Variants in PLCD1 observed in about 807,000 individuals in gnomAD.
PLCD1 encodes phospholipase C delta 1, also known as 1-phosphatidylinositol 4,5-bisphosphate phosphodiesterase delta-1.
A neutral mutation model predicts 87.4 loss-of-function variants in PLCD1; 71 were observed. The ratio of observed to expected loss-of-function variants is 0.81; its 90% CI spans 0.67 to 0.99. PLCD1 has a LOEUF of 0.99. PLCD1 is among the 50% of genes least tolerant of loss of function. PLCD1 has a pLI of 0.00. For synonymous variants in PLCD1, 348 were observed against 399.2 expected (o/e 0.87, Z 1.53); for missense variants, 867 against 1,001.5 (o/e 0.87, Z 1.81).
Position 38,007,837 on chromosome 3 carries a change from A to G in PLCD1, c.2207T>C (p.Met736Thr), listed in dbSNP as rs2125542229. The G allele has an allele frequency of 6.2e-7, 1 of 1,614,172 alleles. No individual in the cohort carries two copies. The highest frequency in any genetic ancestry group is 1.1e-5 in the South Asian group (1 of 91,082). The change falls in exon 15 of 15, where the codon ATG (methionine) becomes ACG (threonine). Residue 736 changes from methionine (M) to threonine (T), a missense_variant. Met to Thr is a moderately conservative substitution (Grantham distance 81). Coordinates refer to ENST00000334661, the MANE Select transcript of PLCD1 (RefSeq NM_006225.4). ...TGGATGCTGGTCCCCGTTCTTAGAC[A>G]TGAGGTGGACATGGCGGTATCCTGG... Reference protein sequence around the residue: ...LKQGYRHVHLMSKNGDQHPSA... With the variant: ...LKQGYRHVHLTSKNGDQHPSA...
At chr3:38,015,803 C>A (rs1700146226) in intron 3 of PLCD1, among the ~76,000 whole-genome samples, 1 of 152,176 alleles carries the variant, frequency 6.6e-6, no homozygotes, top group Admixed American at 6.5e-5. Context: ...CAGGAGGGTA[C>A]CATGGCCTCC....
chr3:38,017,751 C>G lies in PLCD1; in HGVS notation c.200-1032G>C, dbSNP rs753524581. ...GTCCACCTGTCCCTCCCTGTGCCCA[C>G]CCACTCTGAGTGCCCAGGGGCCTCC... On this transcript the variant is annotated intron_variant, in intron 2 of 14. Coordinates refer to ENST00000334661, the MANE Select transcript of PLCD1 (RefSeq NM_006225.4). This position sits in a 1 kb window ranked among gnomAD's most constrained non-coding sequence, Gnocchi z 4.7. 3.3e-5 allele frequency among the ~76,000 whole-genome samples: 5 copies of G among 152,224 alleles called. No individual in the cohort carries two copies. Among genetic ancestry groups the G allele is most frequent in the Non-Finnish European group, 7.4e-5 (5 of 68,024 alleles).
chr3:38,012,384 C>T (rs1247504092), intron 3 of PLCD1, among the ~76,000 whole-genome samples: 5 of 152,074 alleles, frequency 3.3e-5, no homozygotes, highest in Admixed American at 6.5e-5. Flanking sequence ...TAGCCTTCAG[C>T]ACACGAATCT....
chr3:38,024,421 C>T lies in PLCD1; in HGVS notation c.35-4069G>A. 9.3e-6 allele frequency: 15 copies of T among 1,612,278 alleles called. No individual in the cohort carries two copies. The highest frequency in any genetic ancestry group is 1.3e-5 in the Non-Finnish European group (15 of 1,179,760). On this transcript the variant is annotated intron_variant, in intron 1 of 14. Coordinates refer to ENST00000334661, the MANE Select transcript of PLCD1 (RefSeq NM_006225.4). ...CTGGAGCGGCTCCGGCTCCGGATCC[C>T]CAGGCACTGCATGGCCCTCCACAGT...
intron 2 of PLCD1, 27 bp from the exon 3 acceptor site, chr3:38,016,746 G>C: frequency 6.8e-7 from 1 of 1,476,852 alleles, no homozygotes; most frequent in Non-Finnish European, 9.3e-7. Flanking sequence ...GTGGAGGAGA[G>C]AGGGAGAGAA....
chr3:38,016,227 C>T (rs181948502), intron 3 of PLCD1, among the ~76,000 whole-genome samples: 1 of 152,298 alleles, frequency 6.6e-6, no homozygotes, highest in Non-Finnish European at 1.5e-5. Flanking sequence ...TCTCTCTCCC[C>T]ACCATGTGAG....
intron 1 of PLCD1, among the ~76,000 whole-genome samples, chr3:38,026,431 A>C (rs1018145597): frequency 1.3e-5 from 2 of 152,186 alleles, no homozygotes; most frequent in Admixed American, 6.5e-5. Context: ...AGGCAAGACA[A>C]TCCCTTGAAC....
chr3:38,009,262 C>A lies in PLCD1; in HGVS notation c.1606+10G>T. The A allele has an allele frequency of 6.2e-7, 1 of 1,614,100 alleles. No individual in the cohort carries two copies. Among genetic ancestry groups the A allele is most frequent in the Non-Finnish European group, 8.5e-7 (1 of 1,179,984 alleles). On this transcript the variant is annotated intron_variant, in intron 10 of 14. Transcript: ENST00000334661. ...ACAGAGCAGGGGAGTGGTGGGGAGCCAGGCCTCACCTGATTCTTGGAGCAG... is the reference window on the plus strand; with the variant it reads ...ACAGAGCAGGGGAGTGGTGGGGAGCAAGGCCTCACCTGATTCTTGGAGCAG...
chr3:38,010,695 G>A (rs927401025), intron 5 of PLCD1, 133 bp from the exon 6 acceptor site: 10 of 707,750 alleles, frequency 1.4e-5, no homozygotes, highest in African/African-American at 5.4e-5. Context: ...AGAGCTCTTG[G>A]AATTAGGATA....
chr3:38,010,085 G>C (rs1437957304), intron 7 of PLCD1, 32 bp from the exon 8 acceptor site: 8 of 1,613,872 alleles, frequency 5.0e-6, no homozygotes, highest in Non-Finnish European at 5.9e-6. Context: ...AGGAGTGGTG[G>C]GCCACCCCTA....
chr3:38,012,139 C>T (rs1700089797), intron 3 of PLCD1, among the ~76,000 whole-genome samples: 1 of 150,434 alleles, frequency 6.6e-6, no homozygotes, highest in East Asian at 1.9e-4. Flanking sequence ...GTGATCCTCC[C>T]ACTACAGGTG....
intron 1 of PLCD1, chr3:38,024,487 T>C (rs1232754871): frequency 3.8e-6 from 6 of 1,569,376 alleles, no homozygotes; most frequent in Non-Finnish European, 4.3e-6. Context: ...CAGTGCCGCC[T>C]CCAGTGTTTT....
In PLCD1 at chr3:38,017,282, T is replaced by G. The variant is rs1700172635; in HGVS notation, c.200-563A>C. Among the ~76,000 whole-genome samples the G allele has an allele frequency of 6.6e-6, 1 of 152,030 alleles. No homozygotes were observed. Among genetic ancestry groups the G allele is most frequent in the African/African-American group, 2.4e-5 (1 of 41,388 alleles). On this transcript the variant is annotated intron_variant, in intron 2 of 14. Coordinates refer to ENST00000334661, the MANE Select transcript of PLCD1 (RefSeq NM_006225.4). This position sits in a 1 kb window ranked among gnomAD's most constrained non-coding sequence, Gnocchi z 4.7. ...AACCACCCTCAGTTAGCCCCAGCCCTGGGGTCTATGGGCAGAGGGCCGAAG... is the reference window on the plus strand; with the variant it reads ...AACCACCCTCAGTTAGCCCCAGCCCGGGGGTCTATGGGCAGAGGGCCGAAG...
chr3:38,008,121 A>G lies in PLCD1; in HGVS notation c.2078T>C (p.Val693Ala). The change falls in exon 14 of 15, where the codon GTT becomes GCT. Residue 693 changes from valine to alanine, a missense_variant. Val to Ala is a moderately conservative substitution (Grantham distance 64). Coordinates refer to ENST00000334661, the MANE Select transcript of PLCD1 (RefSeq NM_006225.4). ...GCGGATGAGGGCAAGGTCAGGCACA[A>G]CTACCTCAAACGCAAACTCCGTGTC... ...WWDTEFAFEVVVPDLALIRFL... is the reference protein window; with the variant it reads ...WWDTEFAFEVAVPDLALIRFL... The G allele has an allele frequency of 6.2e-7, 1 of 1,614,100 alleles. No homozygotes were observed. Among genetic ancestry groups the G allele is most frequent in the Non-Finnish European group, 8.5e-7 (1 of 1,180,018 alleles).
intron 1 of PLCD1, 65 bp from the exon 2 acceptor site, chr3:38,020,417 A>G (rs1700217593): frequency 1.3e-6 from 2 of 1,487,930 alleles, no homozygotes; most frequent in East Asian, 2.3e-5. Flanking sequence ...TAGGCCTCAC[A>G]CTGGCCATGC....
In PLCD1 at chr3:38,008,446, G is replaced by C. The variant is rs1430421151; in HGVS notation, c.1902+12C>G. The C allele has an allele frequency of 4.3e-6, 7 of 1,614,002 alleles. No individual in the cohort carries two copies. The highest frequency in any genetic ancestry group is 5.1e-6 in the Non-Finnish European group (6 of 1,179,988). On this transcript the variant is annotated intron_variant, in intron 12 of 14. Coordinates refer to ENST00000334661, the MANE Select transcript of PLCD1 (RefSeq NM_006225.4). ...GGTCCGTGGGCACCTGTCCCTCCTA[G>C]GTCCAGCGTACCCTGATGTTGAGCC...
Position 38,008,483 on chromosome 3 carries a change from CACCAGGGCCCCTGA to C in PLCD1, c.1863_1876del (p.Gln622GlyfsTer22), listed in dbSNP as rs1371498510. Reference sequence around the variant, plus strand: ...CCTGATGTTGAGCCGCTTCCGTGCCCACCAGGGCCCCTGAGCCAGGGCGCGGGGGTTAAAGGTGC... The same window carrying C: ...CCTGATGTTGAGCCGCTTCCGTGCCCGCCAGGGCGCGGGGGTTAAAGGTGC... On this transcript the variant is annotated frameshift_variant, in exon 12 of 15. Coordinates refer to ENST00000334661, the MANE Select transcript of PLCD1 (RefSeq NM_006225.4). LOFTEE classifies it high-confidence loss of function. The C allele has an allele frequency of 8.7e-6, 14 of 1,614,246 alleles. No individual in the cohort carries two copies. The highest frequency in any genetic ancestry group is 1.2e-5 in the Non-Finnish European group (14 of 1,180,038).
Position 38,008,620 on chromosome 3 carries a change from C to T in PLCD1, c.1740G>A (p.Gln580=). Reference sequence around the variant, plus strand: ...ACACGTCCATCTCTGGCCCAGGTGTCTGGAAATTCAGGGCCACTACAGGCA... The same window carrying T: ...ACACGTCCATCTCTGGCCCAGGTGTTTGGAAATTCAGGGCCACTACAGGCA... ...GGCQIVALNF[Q]TPGPEMDVYQ... The change falls in exon 12 of 15, where the codon CAG becomes CAA. Residue 580 remains glutamine (Q), a synonymous_variant. Transcript: ENST00000334661. 1 of 1,614,140 alleles carries T rather than the reference C, an allele frequency of 6.2e-7. No individual in the cohort carries two copies. Among genetic ancestry groups the T allele is most frequent in the Middle Eastern group, 1.7e-4 (1 of 6,040 alleles).
chr3:38,019,216 G>A (rs1559376328), intron 2 of PLCD1, among the ~76,000 whole-genome samples: 1 of 152,176 alleles, frequency 6.6e-6, no homozygotes, highest in Non-Finnish European at 1.5e-5. Flanking sequence ...ATCTCCAGGG[G>A]CCTGGCTATG....
Sources: gnomAD v4.1 joint callset for allele counts (sites outside exome capture counted in the v4.1 genomes callset) on GRCh38, gnomAD v4.1.1 for gene constraint, Gnocchi (gnomAD v3.1) non-coding constraint, MANE v1.5 for transcripts, NCBI Gene and HGNC (gene_info 2026-07-23, HGNC 2026-07-21) for gene names.